The following GPHN variants were observed in gnomAD, a reference collection of about 807,000 sequenced individuals.
GPHN encodes gephyrin.
A neutral mutation model predicts 95.5 loss-of-function variants in GPHN; 17 were observed. That is an observed-to-expected ratio of 0.18 (90% CI 0.12 to 0.27). The LOEUF (loss-of-function observed/expected upper bound fraction) is 0.27. GPHN is among the 10% of genes least tolerant of loss of function. The pLI is 1.00. For missense variants in GPHN, 660 were observed against 978.1 expected (o/e 0.67, Z 4.34); for synonymous variants, 320 against 322.5 (o/e 0.99, Z 0.08).
the GPHN span, among the ~76,000 whole-genome samples, chr14:67,316,343 A>T: frequency 5.3e-5 from 8 of 152,202 alleles, no homozygotes; most frequent in Non-Finnish European, 7.3e-5. Context: ...ATATACATAC[A>T]CAAAAGAAGA....
At chr14:66,765,294 C>T (rs1357539201) in intron 2 of GPHN, among the ~76,000 whole-genome samples, 1 of 152,188 alleles carries the variant, frequency 6.6e-6, no homozygotes, top group Non-Finnish European at 1.5e-5. Flanking sequence ...TACCATTTGA[C>T]CCAGCAATTC....
At chr14:66,551,956 A>G (rs1170816864) in intron 1 of GPHN, among the ~76,000 whole-genome samples, 1 of 152,204 alleles carries the variant, frequency 6.6e-6, no homozygotes, top group Non-Finnish European at 1.5e-5. Context: ...GATACAAATC[A>G]AAACCGTATC....
chr14:67,475,195 G>A, the GPHN span, among the ~76,000 whole-genome samples: 7 of 152,314 alleles, frequency 4.6e-5, no homozygotes, highest in Admixed American at 1.3e-4. Context: ...GATTACAGGC[G>A]TGAGCCACTG....
At chr14:66,722,654 GC>G (rs996602777) in intron 2 of GPHN, among the ~76,000 whole-genome samples, 25 of 152,116 alleles carry the variant, frequency 1.6e-4, no homozygotes, top group Admixed American at 1.4e-3. Flanking sequence ...GTGTTGCCCA[GC>G]CTGGCTTGAA....
At chr14:66,831,463 T>G (rs1280687564) in intron 4 of GPHN, among the ~76,000 whole-genome samples, 2 of 152,198 alleles carry the variant, frequency 1.3e-5, no homozygotes, top group African/African-American at 4.8e-5. Flanking sequence ...TACAGTCAGA[T>G]TTGATGGTTA....
At chr14:67,127,127 T>C (rs1446250742) in intron 17 of GPHN, among the ~76,000 whole-genome samples, 3 of 146,288 alleles carry the variant, frequency 2.1e-5, no homozygotes. Context: ...GGGGGAGGGA[T>C]AGCATCGGGA....
chr14:66,773,092 T>C (rs2059241964), intron 2 of GPHN, among the ~76,000 whole-genome samples: 1 of 152,192 alleles, frequency 6.6e-6, no homozygotes, highest in Non-Finnish European at 1.5e-5. Flanking sequence ...CAGAGAAGAC[T>C]GCCGCTGTGC....
chr14:67,735,105 G>C, the GPHN span: 1 of 770,694 alleles, frequency 1.3e-6, no homozygotes, highest in Non-Finnish European at 2.4e-6. Flanking sequence ...AGCAAAGAAT[G>C]CAAAAGAAAA....
At chr14:66,828,723 T>C (rs1257854994) in intron 4 of GPHN, among the ~76,000 whole-genome samples, 3 of 152,154 alleles carry the variant, frequency 2.0e-5, no homozygotes, top group Non-Finnish European at 4.4e-5. Context: ...CCAAAGATTT[T>C]GTCAATGGGT....
At chr14:67,373,812 T>C in the GPHN span, among the ~76,000 whole-genome samples, 1 of 151,472 alleles carries the variant, frequency 6.6e-6, no homozygotes, top group Admixed American at 6.6e-5. Context: ...ATGGTAGTCA[T>C]ACAGTAGATT....
the GPHN span, among the ~76,000 whole-genome samples, chr14:67,419,264 A>AC: frequency 1.3e-5 from 2 of 151,428 alleles, no homozygotes; most frequent in African/African-American, 2.4e-5. Flanking sequence ...ATGTCTGAGG[A>AC]CCCCCCAGCA....
At chr14:67,680,559 G>C in the GPHN span, among the ~76,000 whole-genome samples, 1 of 152,128 alleles carries the variant, frequency 6.6e-6, no homozygotes, top group Non-Finnish European at 1.5e-5. Flanking sequence ...CCCAGGCTCA[G>C]GTGATCCTCC....
chr14:67,341,243 G>A, the GPHN span, among the ~76,000 whole-genome samples: 5 of 151,674 alleles, frequency 3.3e-5, no homozygotes, highest in East Asian at 3.9e-4. Context: ...GTCTCTGCCC[G>A]GCCGCCCATC....
chr14:66,814,088 G>T (rs1023972053), intron 3 of GPHN, among the ~76,000 whole-genome samples: 2 of 152,112 alleles, frequency 1.3e-5, no homozygotes, highest in Non-Finnish European at 2.9e-5. Flanking sequence ...ACACAGGAAC[G>T]CAGTCTGCCC....
At chr14:66,510,996 TAATAGAGGAA>T (rs1391667358) in intron 1 of GPHN, among the ~76,000 whole-genome samples, 1 of 152,150 alleles carries the variant, frequency 6.6e-6, no homozygotes, top group Non-Finnish European at 1.5e-5. Flanking sequence ...GAATAAGTGA[TAATAGAGGAA>T]AATAGGTTTT....
chr14:67,635,464 G>T, the GPHN span, among the ~76,000 whole-genome samples: 6 of 152,176 alleles, frequency 3.9e-5, no homozygotes, highest in African/African-American at 1.4e-4. Context: ...CCACCCTCCA[G>T]TTTAGACTTC....
chr14:67,225,982 T>C, the GPHN span, among the ~76,000 whole-genome samples: 2 of 122,794 alleles, frequency 1.6e-5, no homozygotes, highest in Admixed American at 8.0e-5. Context: ...CGCGTGCGCA[T>C]GCGCGTGCAT....
the GPHN span, among the ~76,000 whole-genome samples, chr14:67,543,336 A>G: frequency 1.3e-5 from 2 of 152,162 alleles, no homozygotes; most frequent in African/African-American, 4.8e-5. Context: ...GAACTCTTGA[A>G]CCTTGGGTCT....
intron 1 of GPHN, among the ~76,000 whole-genome samples, chr14:66,666,862 G>T (rs1490494823): frequency 6.6e-6 from 1 of 152,168 alleles, no homozygotes; most frequent in Non-Finnish European, 1.5e-5. Context: ...GTTTCCAGAT[G>T]ACATGATTCT....
Sources: gnomAD v4.1 joint callset for allele counts (sites outside exome capture counted in the v4.1 genomes callset) on GRCh38, gnomAD v4.1.1 for gene constraint, MANE v1.5 for transcripts, NCBI Gene and HGNC (gene_info 2026-07-23, HGNC 2026-07-21) for gene names.